The following TENM1 variants were observed in gnomAD, a reference collection of about 807,000 sequenced individuals.
TENM1 encodes the protein teneurin-1.
In TENM1, 35 loss-of-function variants were observed where a neutral mutation model predicts 174.8. The ratio of observed to expected loss-of-function variants is 0.20; its 90% CI spans 0.15 to 0.27. TENM1 has a LOEUF of 0.27. Ranked by LOEUF, TENM1 falls within the 10% of genes least tolerant of loss-of-function variation. TENM1 has a pLI of 1.00. For synonymous variants in TENM1, 781 were observed against 798.7 expected, an observed-to-expected ratio of 0.98 and a Z score of 0.37; for missense variants, 1,633 against 2,130.1, an observed-to-expected ratio of 0.77 and a Z score of 4.59.
intron 4 of TENM1, among the ~76,000 whole-genome samples, chrX:124,713,974 T>A (rs181354127): frequency 8.9e-6 from 1 of 112,419 alleles, no homozygotes; most frequent in Admixed American, 9.4e-5. Flanking sequence ...ATTTTAGTCA[T>A]GAAAGAATTA....
chrX:124,375,934 G>T (rs1288633341), exon 32 of TENM1: 4 of 112,491 alleles, frequency 3.6e-5, no homozygotes, highest in Non-Finnish European at 7.5e-5. Flanking sequence ...TTTTAAAAAT[G>T]AAATATTCAA....
chrX:124,940,024 A>G (rs1346859984), intron 1 of TENM1, among the ~76,000 whole-genome samples: 2 of 112,146 alleles, frequency 1.8e-5, no homozygotes, highest in Non-Finnish European at 3.8e-5. Flanking sequence ...TCTATCCCCA[A>G]CACCTAAAAC....
intron 6 of TENM1, among the ~76,000 whole-genome samples, chrX:124,662,621 A>C (rs985101645): frequency 3.7e-5 from 4 of 109,543 alleles, no homozygotes; most frequent in Non-Finnish European, 7.6e-5. Context: ...TCCACTTACC[A>C]CCTAGGCTAT....
chrX:125,133,908 C>T, the TENM1 span, among the ~76,000 whole-genome samples: 1 of 111,680 alleles, frequency 9.0e-6, no homozygotes, highest in Admixed American at 9.5e-5. Context: ...TTCTGAAAAG[C>T]CTATTGCCCT....
At chrX:125,200,652 T>TGAGAGAGAGAGAGAGAGAGAGA in the TENM1 span, among the ~76,000 whole-genome samples, 12 of 81,339 alleles carry the variant, frequency 1.5e-4, no homozygotes, top group African/African-American at 6.7e-4. Flanking sequence ...TGTGTGTGTG[T>TGAGAGAGAGAGAGAGAGAGAGA]GTGAGAGAGA....
chrX:124,608,817 G>T lies in TENM1; in HGVS notation c.2077+32974C>A, dbSNP rs762827485. Among the ~76,000 whole-genome samples, 4 of 105,774 alleles carry T rather than the reference G, an allele frequency of 3.8e-5. No individual in the cohort carries two copies. The East Asian group carries it at 9.0e-4, about 24-fold the overall frequency. The allele number at this position is 105,774 out of a possible 115,157, so 91.9% of individuals were successfully genotyped here. A position where few individuals can be genotyped will look rare whatever the true frequency, so the allele number is the denominator to read the frequency against. On this transcript the variant is annotated intron_variant, in intron 11 of 31. Coordinates refer to ENST00000422452, the Ensembl canonical transcript of TENM1. Reference sequence around the variant, plus strand: ...TTTTTCATTTTAGGATGCTTTATCAGATTTTCTTTCCAGATTTATTTCTGC... The same window carrying T: ...TTTTTCATTTTAGGATGCTTTATCATATTTTCTTTCCAGATTTATTTCTGC...
chrX:124,403,181 C>T (rs1023353693), intron 27 of TENM1, among the ~76,000 whole-genome samples: 1 of 110,281 alleles, frequency 9.1e-6, no homozygotes, highest in Non-Finnish European at 1.9e-5. Context: ...ACAAAAAAAC[C>T]ACCCACTAAA....
intron 18 of TENM1, among the ~76,000 whole-genome samples, chrX:124,505,942 T>C (rs1005255397): frequency 2.5e-4 from 28 of 111,539 alleles, no homozygotes; most frequent in African/African-American, 8.8e-4. Context: ...AAAAGCCAAA[T>C]AGAACACTGA....
At chrX:124,650,703 A>T (rs946633123) in intron 8 of TENM1, among the ~76,000 whole-genome samples, 1 of 111,901 alleles carries the variant, frequency 8.9e-6, no homozygotes, top group African/African-American at 3.2e-5. Context: ...TCCATAGAAA[A>T]ATGCCATGAA....
chrX:124,470,177 A>T (rs963338642), intron 22 of TENM1, among the ~76,000 whole-genome samples: 1 of 112,204 alleles, frequency 8.9e-6, no homozygotes, highest in Non-Finnish European at 1.9e-5. Context: ...TCATTGCAGC[A>T]CTGTAATAAT....
the TENM1 span, among the ~76,000 whole-genome samples, chrX:125,200,630 C>CGTGTGT: frequency 1.1e-4 from 10 of 92,281 alleles, no homozygotes; most frequent in African/African-American, 4.2e-4. Context: ...CAATTGCTTC[C>CGTGTGT]GTGTGTGTGT....
the TENM1 span, among the ~76,000 whole-genome samples, chrX:125,161,391 A>G: frequency 2.7e-5 from 3 of 111,650 alleles, no homozygotes; most frequent in African/African-American, 9.8e-5. Flanking sequence ...TTTTTCTAAT[A>G]TTATCAATCC....
At chrX:124,734,629 C>T (rs1319473051) in intron 4 of TENM1, among the ~76,000 whole-genome samples, 2 of 111,001 alleles carry the variant, frequency 1.8e-5, no homozygotes, top group Non-Finnish European at 3.8e-5. Context: ...ATACTGTTTC[C>T]TGGACATGGG....
the TENM1 span, among the ~76,000 whole-genome samples, chrX:125,007,373 C>A: frequency 6.4e-5 from 7 of 108,636 alleles, no homozygotes; most frequent in Non-Finnish European, 1.1e-4. Flanking sequence ...CTCTGAGAAA[C>A]ATGGACTATG....
At chrX:125,030,168 G>C in the TENM1 span, among the ~76,000 whole-genome samples, 3 of 112,023 alleles carry the variant, frequency 2.7e-5, no homozygotes, top group Admixed American at 2.9e-4. Flanking sequence ...GCAGTATGAA[G>C]TCTTATTACT....
intron 3 of TENM1, among the ~76,000 whole-genome samples, chrX:124,866,649 T>A (rs1432752156): frequency 9.1e-6 from 1 of 110,354 alleles, no homozygotes; most frequent in Admixed American, 9.6e-5. Context: ...AGAAAAGAAA[T>A]AATAAAGATC....
intron 16 of TENM1, 41 bp downstream of exon 19, chrX:124,529,823 G>A (rs2048065636): frequency 1.7e-6 from 2 of 1,209,657 alleles, no homozygotes; most frequent in African/African-American, 1.7e-5. Flanking sequence ...CTAGAAGTCA[G>A]TAATTGGCCC....
chrX:124,761,310 T>A (rs748355090), intron 3 of TENM1, among the ~76,000 whole-genome samples: 3 of 109,987 alleles, frequency 2.7e-5, no homozygotes, highest in Non-Finnish European at 5.7e-5. Flanking sequence ...CCATCAATGA[T>A]AGACTGGATT....
At chrX:124,705,314 A>T in intron 4 of TENM1, 63 bp from the exon 8 acceptor site, 2 of 869,984 alleles carry the variant, frequency 2.3e-6, no homozygotes, top group Non-Finnish European at 3.2e-6. Context: ...AAAAACACAA[A>T]CTCCATTAAT....
Sources: allele counts gnomAD v4.1 joint callset (sites outside exome capture counted in the v4.1 genomes callset), GRCh38; gene constraint gnomAD v4.1.1; transcripts MANE v1.5; gene names NCBI Gene and HGNC (gene_info 2026-07-23, HGNC 2026-07-21).